Variants in PHKB observed in about 807,000 individuals in gnomAD.
The protein encoded by PHKB is phosphorylase b kinase regulatory subunit beta.
PHKB carries 122 observed loss-of-function variants against 152.1 expected under a neutral mutation model. The observed-to-expected ratio is 0.80, with a 90% CI of 0.69 to 0.93. The LOEUF (loss-of-function observed/expected upper bound fraction) is 0.93. PHKB is among the 40% of genes least tolerant of loss of function. PHKB has a pLI of 0.00. For synonymous variants in PHKB, 436 were observed against 464.9 expected (o/e 0.94, Z 0.80); for missense variants, 1,304 against 1,328.4 (o/e 0.98, Z 0.29).
chr16:47,557,862 G>A (rs1971404627), intron 7 of PHKB, among the ~76,000 whole-genome samples: 1 of 152,136 alleles, frequency 6.6e-6, no homozygotes, highest in African/African-American at 2.4e-5. Flanking sequence ...AATACCATTT[G>A]ACCCAGCCAT....
intron 22 of PHKB, 23 bp from the exon 23 acceptor site, chr16:47,661,696 C>T: frequency 6.5e-7 from 1 of 1,548,680 alleles, no homozygotes; most frequent in South Asian, 1.1e-5. Context: ...ATTCCAGTTC[C>T]TCACCGTGAT....
At chr16:47,671,185 C>T (rs1014381505) in intron 26 of PHKB, among the ~76,000 whole-genome samples, 7 of 152,176 alleles carry the variant, frequency 4.6e-5, no homozygotes, top group Non-Finnish European at 1.0e-4. Flanking sequence ...TATTGCCATA[C>T]CTTTCTCCAT....
Position 47,515,729 on chromosome 16 carries a change from G to A in PHKB, c.594+128G>A, listed in dbSNP as rs143632719. ...CCTGTTACATTTATATAATCAGATAGTAGATGTTGGTTGTTGAATGAAAAA... is the reference window on the plus strand; with the variant it reads ...CCTGTTACATTTATATAATCAGATAATAGATGTTGGTTGTTGAATGAAAAA... On this transcript the variant is annotated intron_variant, in intron 6 of 30. Coordinates refer to ENST00000323584, the MANE Select transcript of PHKB (RefSeq NM_000293.3). The A allele has an allele frequency of 1.1e-3, 751 of 658,286 alleles. 17 individuals carry two copies. In the East Asian group the frequency reaches 0.02, roughly 18 times the overall value. 40.8% of individuals were successfully genotyped at this position (658,286 alleles called of 1,614,324 possible).
At chr16:47,492,695 T>C (rs1970170766) in intron 1 of PHKB, among the ~76,000 whole-genome samples, 1 of 152,130 alleles carries the variant, frequency 6.6e-6, no homozygotes, top group Non-Finnish European at 1.5e-5. Flanking sequence ...GAAAATGCCA[T>C]GGAGACTGAG....
chr16:47,502,662 T>C (rs1053633489), intron 3 of PHKB, among the ~76,000 whole-genome samples: 1 of 152,238 alleles, frequency 6.6e-6, no homozygotes, highest in Non-Finnish European at 1.5e-5. Flanking sequence ...ACAGTGAATT[T>C]AAAACAATCT....
chr16:47,553,779 T>C lies in PHKB; in HGVS notation c.710+6231T>C, dbSNP rs111800982. 5.6e-4 allele frequency among the ~76,000 whole-genome samples: 86 copies of C among 152,328 alleles called. 2 individuals are homozygous for C. Among genetic ancestry groups the C allele is most frequent in the African/African-American group, 1.9e-3 (80 of 41,566 alleles). ...TTCCTTTCTGTTTATTAGTTTTGCTTCTAACAGTCAGGGCCCTCTGCCACA... is the reference window on the plus strand; with the variant it reads ...TTCCTTTCTGTTTATTAGTTTTGCTCCTAACAGTCAGGGCCCTCTGCCACA... On this transcript the variant is annotated intron_variant, in intron 7 of 30. Coordinates refer to ENST00000323584, the MANE Select transcript of PHKB (RefSeq NM_000293.3).
At chr16:47,578,741 A>G (rs1453088208) in intron 7 of PHKB, among the ~76,000 whole-genome samples, 1 of 152,158 alleles carries the variant, frequency 6.6e-6, no homozygotes, top group Non-Finnish European at 1.5e-5. Flanking sequence ...TGACACCACC[A>G]TGACTAAGAG....
At chr16:47,654,012 A>C (rs1973286383) in intron 20 of PHKB, among the ~76,000 whole-genome samples, 1 of 152,222 alleles carries the variant, frequency 6.6e-6, no homozygotes, top group African/African-American at 2.4e-5. Flanking sequence ...GGGAATCAGA[A>C]ATAGTTCACT....
chr16:47,571,060 T>C (rs964199895), intron 7 of PHKB, among the ~76,000 whole-genome samples: 8 of 152,260 alleles, frequency 5.3e-5, no homozygotes, highest in Admixed American at 3.9e-4. Flanking sequence ...GTTGAGTTTC[T>C]TGGTTATAGA....
At chr16:47,656,363 G>A (rs1301433275) in intron 20 of PHKB, among the ~76,000 whole-genome samples, 2 of 152,116 alleles carry the variant, frequency 1.3e-5, no homozygotes, top group Non-Finnish European at 2.9e-5. Context: ...CACCATTTGT[G>A]TTTTTACTTT....
Position 47,467,239 on chromosome 16 carries a change from A to G in PHKB, c.76+5813A>G, listed in dbSNP as rs536901042. ...CTCTCTCATTTTGGTATCTACCCTC[A>G]AAATAGCCATTTTAAGTAAATCTGT... On this transcript the variant is annotated intron_variant, in intron 1 of 30. Transcript: ENST00000323584. Among the ~76,000 whole-genome samples the G allele has an allele frequency of 8.5e-5, 13 of 152,360 alleles. No homozygotes were observed. In the East Asian group the frequency reaches 2.3e-3, roughly 27 times the overall value.
At chr16:47,541,509 C>A (rs573261956) in intron 6 of PHKB, among the ~76,000 whole-genome samples, 1 of 152,268 alleles carries the variant, frequency 6.6e-6, no homozygotes, top group South Asian at 2.1e-4. Context: ...TGGGAATATA[C>A]CCAGTAATGG....
At chr16:47,601,564 C>T (rs1398530072) in intron 13 of PHKB, among the ~76,000 whole-genome samples, 2 of 151,886 alleles carry the variant, frequency 1.3e-5, no homozygotes, top group Non-Finnish European at 2.9e-5. Context: ...AATTAGCCAG[C>T]CATGATGGCA....
intron 5 of PHKB, among the ~76,000 whole-genome samples, chr16:47,513,286 T>G (rs1970540913): frequency 6.6e-6 from 1 of 152,140 alleles, no homozygotes; most frequent in Non-Finnish European, 1.5e-5. Context: ...AGGCTGCCCA[T>G]AGGAGTGAAA....
chr16:47,616,930 A>G (rs1254143801), intron 14 of PHKB, among the ~76,000 whole-genome samples: 1 of 151,030 alleles, frequency 6.6e-6, no homozygotes, highest in Admixed American at 6.6e-5. Context: ...CAGCATGAAC[A>G]TGTCCTTAAG....
At chr16:47,515,364 A>G (rs1257439291) in intron 5 of PHKB, among the ~76,000 whole-genome samples, 157 bp from the exon 6 acceptor site, 1 of 152,246 alleles carries the variant, frequency 6.6e-6, no homozygotes, top group South Asian at 2.1e-4. Flanking sequence ...GATTTTTATT[A>G]TGAACTAAAT....
At chr16:47,494,801 T>C (rs1357265088) in intron 1 of PHKB, among the ~76,000 whole-genome samples, 1 of 152,244 alleles carries the variant, frequency 6.6e-6, no homozygotes, top group Non-Finnish European at 1.5e-5. Flanking sequence ...CTGTCTCCAT[T>C]TTTACTGGCA....
chr16:47,584,455 A>C (rs1971902356), intron 8 of PHKB, among the ~76,000 whole-genome samples: 1 of 152,150 alleles, frequency 6.6e-6, no homozygotes, highest in African/African-American at 2.4e-5. Context: ...TCATGTTCAA[A>C]TTTATCTTTC....
chr16:47,662,438 T>G (rs1340168642), intron 23 of PHKB, among the ~76,000 whole-genome samples: 1 of 152,228 alleles, frequency 6.6e-6, no homozygotes, highest in Non-Finnish European at 1.5e-5. Context: ...GTACTTAATG[T>G]CTAGCTATTC....
Sources: gnomAD v4.1 joint callset for allele counts (sites outside exome capture counted in the v4.1 genomes callset) on GRCh38, gnomAD v4.1.1 for gene constraint, MANE v1.5 for transcripts, NCBI Gene and HGNC (gene_info 2026-07-23, HGNC 2026-07-21) for gene names.